Variants in SHLD1 observed in about 807,000 individuals in gnomAD.
SHLD1 encodes the protein RINN1-REV7-interacting novel NHEJ regulator 3.
SHLD1 carries 3 observed loss-of-function variants against 5.5 expected under a neutral mutation model. That is an observed-to-expected ratio of 0.54 (90% CI 0.25 to 1.40). The LOEUF is 1.40. Among genes scored for constraint, SHLD1 ranks in the 40% most tolerant of loss-of-function variants. The pLI is 0.15. For missense variants in SHLD1, 210 were observed against 244.4 expected (o/e 0.86, Z 0.94); for synonymous variants, 92 against 94.3 (o/e 0.98, Z 0.14).
intron 2 of SHLD1, among the ~76,000 whole-genome samples, chr20:5,778,156 G>C (rs1475600003): frequency 1.5e-5 from 2 of 132,458 alleles, no homozygotes; most frequent in African/African-American, 5.6e-5. Flanking sequence ...TCGTTCTGTC[G>C]CCCAGGCTGG....
chr20:5,841,354 ACAGAAATTTG>A, intron 2 of SHLD1, among the ~76,000 whole-genome samples: 1 of 152,312 alleles, frequency 6.6e-6, no homozygotes, highest in Middle Eastern at 3.4e-3. Context: ...ATATAGAAAA[ACAGAAATTTG>A]CATGAAAGAT....
At chr20:5,852,977 A>G (rs560725861) in intron 2 of SHLD1, among the ~76,000 whole-genome samples, 1 of 152,330 alleles carries the variant, frequency 6.6e-6, no homozygotes, top group Admixed American at 6.5e-5. Flanking sequence ...CATTCCACAA[A>G]TGTACCAAGT....
At chr20:5,777,259 G>A (rs1985473850) in intron 2 of SHLD1, among the ~76,000 whole-genome samples, 1 of 152,154 alleles carries the variant, frequency 6.6e-6, no homozygotes, top group Non-Finnish European at 1.5e-5. Context: ...AAAGTGTTGG[G>A]ATTACAGGTG....
At position 5,843,295 on chromosome 20, in the gene SHLD1, CT is replaced by C. The variant is rs11473559; in HGVS notation, c.179-19717del. The stretch of plus-strand genomic sequence containing the variant: ...CTGGCTCATGATCAATTGTTTTTTT[CT>C]TTTTTTTTTTTCCTTTTATTTTCTT... On this transcript the variant is annotated intron_variant, in intron 2 of 2. Transcript: ENST00000303142. 4.4e-4 allele frequency among the ~76,000 whole-genome samples: 63 copies of C among 141,626 alleles called. 1 individual carries two copies. The highest frequency in any genetic ancestry group is 8.2e-4 in the East Asian group (4 of 4,906). The allele number at this position is 141,626 out of a possible 152,430, so 92.9% of individuals were successfully genotyped here.
chr20:5,827,395 C>G (rs1167335045), intron 2 of SHLD1, among the ~76,000 whole-genome samples: 1 of 152,238 alleles, frequency 6.6e-6, no homozygotes, highest in Non-Finnish European at 1.5e-5. Context: ...TAGTCCGCCT[C>G]CCAAGGGCAG....
At chr20:5,857,379 G>A (rs897183435) in intron 2 of SHLD1, among the ~76,000 whole-genome samples, 7 of 152,180 alleles carry the variant, frequency 4.6e-5, no homozygotes, top group East Asian at 1.9e-4. Flanking sequence ...CCAAGGAAGC[G>A]GGGCCTGGGA....
intron 1 of SHLD1, among the ~76,000 whole-genome samples, chr20:5,768,267 G>A (rs899925580): frequency 5.3e-5 from 8 of 152,148 alleles, no homozygotes; most frequent in African/African-American, 1.7e-4. Context: ...GAGCCACAAC[G>A]CCCAGCCAAT....
At chr20:5,779,556 C>A (rs757600286) in intron 2 of SHLD1, among the ~76,000 whole-genome samples, 6 of 152,188 alleles carry the variant, frequency 3.9e-5, no homozygotes, top group Non-Finnish European at 7.3e-5. Context: ...TTACACTAAT[C>A]TCTACTGGGC....
chr20:5,783,259 C>G (rs2087010806), intron 2 of SHLD1, among the ~76,000 whole-genome samples: 1 of 152,140 alleles, frequency 6.6e-6, no homozygotes, highest in African/African-American at 2.4e-5. Flanking sequence ...GAGTCTCACT[C>G]CATCACCCAG....
intron 1 of SHLD1, among the ~76,000 whole-genome samples, chr20:5,768,071 T>C (rs1423601596): frequency 6.8e-6 from 1 of 148,010 alleles, no homozygotes; most frequent in Non-Finnish European, 1.5e-5. Flanking sequence ...GCCTCCCGGG[T>C]TCAAGCAATT....
chr20:5,834,790 G>A (rs1363823104), intron 2 of SHLD1, among the ~76,000 whole-genome samples: 2 of 152,196 alleles, frequency 1.3e-5, no homozygotes, highest in Non-Finnish European at 2.9e-5. Context: ...AGGCTGGGAA[G>A]TCCAAGATCA....
intron 2 of SHLD1, among the ~76,000 whole-genome samples, chr20:5,813,836 T>C (rs2087491746): frequency 6.6e-6 from 1 of 152,108 alleles, no homozygotes; most frequent in South Asian, 2.1e-4. Flanking sequence ...CTTATGGCAC[T>C]ATTTCCTCCA....
At chr20:5,856,609 G>A (rs535514917) in intron 2 of SHLD1, among the ~76,000 whole-genome samples, 1 of 152,342 alleles carries the variant, frequency 6.6e-6, no homozygotes, top group African/African-American at 2.4e-5. Flanking sequence ...AGGGCATGGT[G>A]AGGCTTCTGA....
intron 2 of SHLD1, among the ~76,000 whole-genome samples, chr20:5,786,014 C>T (rs1238611073): frequency 1.3e-5 from 2 of 152,046 alleles, no homozygotes; most frequent in Admixed American, 1.3e-4. Flanking sequence ...TACTTGTGCA[C>T]TAATTGGAGA....
intron 2 of SHLD1, among the ~76,000 whole-genome samples, chr20:5,821,923 A>G (rs528207534): frequency 6.6e-5 from 10 of 152,238 alleles, no homozygotes; most frequent in African/African-American, 2.2e-4. Context: ...CATCTCAGAC[A>G]TGATGGGCCA....
chr20:5,846,115 TG>T (rs2087929730), intron 2 of SHLD1, among the ~76,000 whole-genome samples: 1 of 152,248 alleles, frequency 6.6e-6, no homozygotes, highest in South Asian at 2.1e-4. Context: ...AAAGGCTTAT[TG>T]CAAATGTCAA....
chr20:5,752,164 G>A (rs953578278), intron 1 of SHLD1, among the ~76,000 whole-genome samples: 6 of 152,088 alleles, frequency 3.9e-5, no homozygotes, highest in African/African-American at 1.4e-4. Flanking sequence ...GTGAGGCCGT[G>A]GCAGGCAGAT....
At chr20:5,772,839 T>C (rs1985239799) in intron 1 of SHLD1, 23 bp from the exon 2 acceptor site, 1 of 1,594,298 alleles carries the variant, frequency 6.3e-7, no homozygotes, top group African/African-American at 1.4e-5. Context: ...TTGTACTGAA[T>C]TGTTTTCTTT....
intron 2 of SHLD1, among the ~76,000 whole-genome samples, chr20:5,817,392 TTTTC>T (rs1201564628): frequency 1.1e-5 from 1 of 89,840 alleles, no homozygotes; most frequent in Non-Finnish European, 2.4e-5. Context: ...TCACGGGATA[TTTTC>T]TCTCTCTCTC....
Sources: allele counts gnomAD v4.1 joint callset (sites outside exome capture counted in the v4.1 genomes callset), GRCh38; gene constraint gnomAD v4.1.1; transcripts MANE v1.5; gene names NCBI Gene and HGNC (gene_info 2026-07-23, HGNC 2026-07-21).